The following GPRIN3 variants were observed in gnomAD, a reference collection of about 807,000 sequenced individuals.
GPRIN3 encodes the protein GPRIN family member 3.
GPRIN3 carries 12 observed loss-of-function variants against 13.7 expected under a neutral mutation model. That is an observed-to-expected ratio of 0.87 (90% CI 0.56 to 1.42). The LOEUF is 1.42. Among genes scored for constraint, GPRIN3 ranks in the 40% most tolerant of loss-of-function variants. The pLI is 0.00. For synonymous variants in GPRIN3, 377 were observed against 372.7 expected, an observed-to-expected ratio of 1.01 and a Z score of -0.13; for missense variants, 1,009 against 958.7, an observed-to-expected ratio of 1.05 and a Z score of -0.69.
chr4:89,305,871 C>T (rs1266780917), intron 1 of GPRIN3, among the ~76,000 whole-genome samples: 18 of 152,188 alleles, frequency 1.2e-4, no homozygotes, highest in Admixed American at 1.1e-3. Context: ...CGCCTCAGTC[C>T]TCTACTTCCC....
rs1723235863 is a variant in GPRIN3 at position 89,249,273 on chromosome 4, C to A, written c.838G>T (p.Gly280Cys). 33 of 1,613,944 alleles carry A rather than the reference C, an allele frequency of 2.0e-5. No individual in the cohort carries two copies. The highest frequency in any genetic ancestry group is 2.8e-5 in the Non-Finnish European group (33 of 1,180,022). ...LTSEPSACPP[G>C]PEKVPLPAQR... Reference sequence around the variant, plus strand: ...GCTGGCAGCGGCACCTTCTCTGGACCTGGGGGACATGCCGAAGGTTCGCTA... The same window carrying A: ...GCTGGCAGCGGCACCTTCTCTGGACATGGGGGACATGCCGAAGGTTCGCTA... Residue 280 changes from glycine to cysteine, a missense_variant, in exon 2 of 2, where the codon GGT becomes TGT. Gly to Cys is a radical substitution (Grantham distance 159, BLOSUM62 -3). Transcript: ENST00000609438.
At chr4:89,288,034 G>A (rs2110011156) in intron 1 of GPRIN3, among the ~76,000 whole-genome samples, 1 of 152,216 alleles carries the variant, frequency 6.6e-6, no homozygotes, top group African/African-American at 2.4e-5. Flanking sequence ...CTGATCATTT[G>A]AACACATGGA....
rs746323806 is a variant in GPRIN3 at position 89,248,509 on chromosome 4, A to G, written c.1602T>C (p.Asp534=). 3 of 1,612,970 alleles carry G rather than the reference A, an allele frequency of 1.9e-6. No homozygotes were observed. The highest frequency in any genetic ancestry group is 1.1e-5 in the South Asian group (1 of 90,892). Residue 534 remains aspartate (D), a synonymous_variant, in exon 2 of 2, where the codon GAT becomes GAC. Coordinates refer to ENST00000609438, the MANE Select transcript of GPRIN3 (RefSeq NM_198281.3). ...GAGATGCAGGCTTCTTTTCCCTTGCATCTCCTTTATTAGTGGGATCCAAGC... is the reference window on the plus strand; with the variant it reads ...GAGATGCAGGCTTCTTTTCCCTTGCGTCTCCTTTATTAGTGGGATCCAAGC... ...SGSLDPTNKG[D]AREKKPASPQ...
At chr4:89,290,111 C>T (rs1724532092) in intron 1 of GPRIN3, among the ~76,000 whole-genome samples, 2 of 151,488 alleles carry the variant, frequency 1.3e-5, no homozygotes, top group African/African-American at 2.4e-5. Flanking sequence ...ACCTGGACTA[C>T]AGGTGCGTGT....
intron 1 of GPRIN3, among the ~76,000 whole-genome samples, chr4:89,286,920 G>A (rs1194330573): frequency 6.6e-6 from 1 of 152,134 alleles, no homozygotes; most frequent in African/African-American, 2.4e-5. Context: ...GAGCCCAGGA[G>A]TTTGAGGCTA....
chr4:89,281,607 A>T (rs1309227583), intron 1 of GPRIN3, among the ~76,000 whole-genome samples: 1 of 152,146 alleles, frequency 6.6e-6, no homozygotes, highest in Non-Finnish European at 1.5e-5. Flanking sequence ...GGGGACACAG[A>T]TCCAATCTAT....
chr4:89,258,526 T>C (rs1723544135), intron 1 of GPRIN3, among the ~76,000 whole-genome samples: 1 of 152,036 alleles, frequency 6.6e-6, no homozygotes, highest in Non-Finnish European at 1.5e-5. Flanking sequence ...ACCTGAGCAT[T>C]TTTATAGTAG....
At position 89,248,704 on chromosome 4, in the gene GPRIN3, G is replaced by A. The variant is rs755627179; in HGVS notation, c.1407C>T (p.Asp469=). 6.2e-7 allele frequency: 1 copy of A among 1,614,126 alleles called. No individual in the cohort carries two copies. Among genetic ancestry groups the A allele is most frequent in the Non-Finnish European group, 8.5e-7 (1 of 1,180,002 alleles). The change falls in exon 2 of 2, where the codon GAC becomes GAT. Residue 469 remains aspartate, a synonymous_variant. Coordinates refer to ENST00000609438, the MANE Select transcript of GPRIN3 (RefSeq NM_198281.3). ...GACTGCATGCACTGATAGAAATCTG[G>A]TCAATGGCGGTAGCTTTCAGGGAGC... ...NSSSLKATAI[D]QISISACSQA...
At chr4:89,283,248 A>C (rs1724305034) in intron 1 of GPRIN3, among the ~76,000 whole-genome samples, 1 of 152,218 alleles carries the variant, frequency 6.6e-6, no homozygotes. Flanking sequence ...TTTAACATAC[A>C]CAATGTGCCA....
rs1722902429 is a variant in GPRIN3 at position 89,240,808 on chromosome 4, G to C, written c.*6972C>G. 6.6e-6 allele frequency: 1 copy of C among 152,154 alleles called. No homozygotes were observed. The highest frequency in any genetic ancestry group is 2.1e-4 in the South Asian group (1 of 4,830). 9.4% of individuals were successfully genotyped at this position (152,154 alleles called of 1,614,324 possible). On this transcript the variant is annotated 3_prime_UTR_variant, in exon 2 of 2. Coordinates refer to ENST00000609438, the MANE Select transcript of GPRIN3 (RefSeq NM_198281.3). ...AGTGGTTTTAATTTGTGATTTATCT[G>C]AATATACTAGTATAAATAAAATGTA...
chr4:89,256,175 T>C (rs773869025), intron 1 of GPRIN3, among the ~76,000 whole-genome samples: 8 of 152,028 alleles, frequency 5.3e-5, no homozygotes, highest in Non-Finnish European at 8.8e-5. Flanking sequence ...ACTGTAACCA[T>C]GAGAAGAAAA....
chr4:89,243,804 C>CT lies in GPRIN3; in HGVS notation c.*3975_*3976insA, dbSNP rs1306721432. On this transcript the variant is annotated 3_prime_UTR_variant, in exon 2 of 2. Coordinates refer to ENST00000609438, the MANE Select transcript of GPRIN3 (RefSeq NM_198281.3). ...CAATAAAAACACATATACATATATG[C>CT]AAACCTTATCCTAATGTATTGTTTT... 6.6e-6 allele frequency: 1 copy of CT among 152,194 alleles called. No homozygotes were observed. The highest frequency in any genetic ancestry group is 1.5e-5 in the Non-Finnish European group (1 of 68,038). The allele number at this position is 152,194 out of a possible 1,614,324, so 9.4% of individuals were successfully genotyped here.
chr4:89,286,091 G>GTGTATATA (rs1039903535), intron 1 of GPRIN3, among the ~76,000 whole-genome samples: 4,814 of 146,562 alleles, frequency 0.033, 110 homozygotes, highest in South Asian at 0.049. Flanking sequence ...ATGTGTGTGT[G>GTGTATATA]TATATATATA....
In GPRIN3 at chr4:89,256,771, A is replaced by G. The variant is rs114421330; in HGVS notation, c.-123-6538T>C. Reference sequence around the variant, plus strand: ...TGACAGCTGTTTTTAGTAATCAGATAGCTCCTGCAAAGACCCTCAGAGAAC... The same window carrying G: ...TGACAGCTGTTTTTAGTAATCAGATGGCTCCTGCAAAGACCCTCAGAGAAC... On this transcript the variant is annotated intron_variant, in intron 1 of 1. Transcript: ENST00000609438. 7.6e-3 allele frequency among the ~76,000 whole-genome samples: 1,155 copies of G among 152,340 alleles called. 15 individuals carry two copies. Among genetic ancestry groups the G allele is most frequent in the African/African-American group, 0.026 (1,095 of 41,578 alleles).
chr4:89,295,186 A>AC (rs36104201), intron 1 of GPRIN3, among the ~76,000 whole-genome samples: 12 of 152,026 alleles, frequency 7.9e-5, no homozygotes, highest in Non-Finnish European at 1.6e-4. Context: ...GGAAATGTAG[A>AC]CCCCCCTTTT....
chr4:89,250,346 T>C, intron 1 of GPRIN3, 113 bp from the exon 2 acceptor site: 1 of 559,894 alleles, frequency 1.8e-6, no homozygotes, highest in Non-Finnish European at 2.7e-6. Flanking sequence ...CCCATACCTG[T>C]TGATATAAAA....
At chr4:89,261,375 G>A (rs190059126) in intron 1 of GPRIN3, among the ~76,000 whole-genome samples, 1 of 152,324 alleles carries the variant, frequency 6.6e-6, no homozygotes, top group Non-Finnish European at 1.5e-5. Flanking sequence ...AAGAACCACT[G>A]ATCCAGGAGG....
intron 1 of GPRIN3, among the ~76,000 whole-genome samples, chr4:89,275,225 C>T (rs1320926303): frequency 6.6e-6 from 1 of 151,792 alleles, no homozygotes; most frequent in Non-Finnish European, 1.5e-5. Flanking sequence ...GAAGCAATTA[C>T]CCTAAGAGTA....
intron 1 of GPRIN3, among the ~76,000 whole-genome samples, chr4:89,267,466 A>G (rs1416109789): frequency 1.3e-5 from 2 of 152,154 alleles, no homozygotes; most frequent in African/African-American, 4.8e-5. Flanking sequence ...AGGTACCCTT[A>G]TTATATGTTG....
Sources: allele counts gnomAD v4.1 joint callset (sites outside exome capture counted in the v4.1 genomes callset), GRCh38; gene constraint gnomAD v4.1.1; transcripts MANE v1.5; gene names NCBI Gene and HGNC (gene_info 2026-07-23, HGNC 2026-07-21).